The following ARTN variants were observed in gnomAD, a reference collection of about 807,000 sequenced individuals.
ARTN encodes artemin.
Under a neutral mutation model 15.4 loss-of-function variants are expected in ARTN, and 9 were observed. The ratio of observed to expected loss-of-function variants is 0.58; its 90% confidence interval spans 0.35 to 1.02. The LOEUF (loss-of-function observed/expected upper bound fraction) is 1.02, where lower values mean the gene tolerates loss of function less well. ARTN is among the 50% of genes least tolerant of loss of function. The pLI, the probability that ARTN is intolerant of heterozygous loss-of-function variation, is 0.02. For synonymous variants in ARTN, 163 were observed against 155.8 expected (o/e 1.05, Z -0.35); for missense variants, 284 against 327.9 (o/e 0.87, Z 1.03).
intron 2 of ARTN, 39 bp from the exon 3 acceptor site, chr1:43,935,551 G>T: frequency 8.3e-7 from 1 of 1,202,000 alleles, no homozygotes; most frequent in South Asian, 1.3e-5. Flanking sequence ...GTGGCAGGCC[G>T]GTCCCCCACA....
Position 43,936,608 on chromosome 1 carries a change from TGGGCGCCGGGGCCCTGCGACCGCCCCC to T in ARTN, c.511_537del (p.Ala171_Gly179del). ...CACGACCTCAGCCTGGCCAGCCTACTGGGCGCCGGGGCCCTGCGACCGCCCCCGGGCTCCCGGCCCGTCAGCCAGCCC... is the reference window on the plus strand; with the variant it reads ...CACGACCTCAGCCTGGCCAGCCTACTGGGCTCCCGGCCCGTCAGCCAGCCC... On this transcript the variant is annotated inframe_deletion, in exon 5 of 5. Coordinates refer to ENST00000372359, the MANE Select transcript of ARTN (RefSeq NM_057091.3). This position sits in a 1 kb window ranked among gnomAD's most constrained non-coding sequence, Gnocchi z 6.6. 6.3e-7 allele frequency: 1 copy of T among 1,592,000 alleles called. No individual in the cohort carries two copies. The highest frequency in any genetic ancestry group is 8.5e-7 in the Non-Finnish European group (1 of 1,170,184).
rs762332403 is a variant in ARTN at position 43,935,654 on chromosome 1, G to GA, written c.-2dup. The GA allele has an allele frequency of 1.9e-6, 3 of 1,613,554 alleles. No individual in the cohort carries two copies. The South Asian group carries it at 3.3e-5, about 18-fold the overall frequency. On this transcript the variant is annotated 5_prime_UTR_variant, in exon 3 of 5. Coordinates refer to ENST00000372359, the MANE Select transcript of ARTN (RefSeq NM_057091.3). ...CTGATGGGCGCTCCTGGTGTTGATA[G>GA]AGATGGAACTTGGACTTGGAGGCCT...
rs2085094392 is a variant in ARTN at position 43,936,284 on chromosome 1, G to T, written c.200-18G>T. On this transcript the variant is annotated intron_variant, in intron 4 of 4. Coordinates refer to ENST00000372359, the MANE Select transcript of ARTN (RefSeq NM_057091.3). The surrounding 1 kb of genome is among the most constrained non-coding windows in gnomAD (Gnocchi z 6.6). ...GGGGCTGGCCCGGGACACCGCGCGTGACTGGGTCTCATTCCAGGGGGACGC... is the reference window on the plus strand; with the variant it reads ...GGGGCTGGCCCGGGACACCGCGCGTTACTGGGTCTCATTCCAGGGGGACGC... The T allele has an allele frequency of 7.2e-7, 1 of 1,382,002 alleles. No individual in the cohort carries two copies. Among genetic ancestry groups the T allele is most frequent in the Non-Finnish European group, 9.3e-7 (1 of 1,077,750 alleles). 85.6% of individuals were successfully genotyped at this position (1,382,002 alleles called of 1,614,324 possible). A position where few individuals can be genotyped will look rare whatever the true frequency, so the allele number is the denominator to read the frequency against.
Position 43,936,146 on chromosome 1 carries a change from G to A in ARTN, c.114G>A (p.Glu38=). Residue 38 remains glutamate, a synonymous_variant, in exon 4 of 5, where the codon GAG becomes GAA. Transcript: ENST00000372359. This position sits in a 1 kb window ranked among gnomAD's most constrained non-coding sequence, Gnocchi z 6.6. ...TGGCTCTGCTGAGCAGCGTCGCAGA[G>A]GCCTCCCTGGGCTCCGCGCCCCGCA... is the stretch of plus-strand genomic sequence containing the variant. ...AALALLSSVA[E]ASLGSAPRSP... The A allele has an allele frequency of 1.3e-6, 2 of 1,592,686 alleles. No individual in the cohort carries two copies. Among genetic ancestry groups the A allele is most frequent in the Non-Finnish European group, 1.7e-6 (2 of 1,175,434 alleles).
chr1:43,935,114 G>A (rs2085077549), intron 2 of ARTN, among the ~76,000 whole-genome samples: 1 of 152,214 alleles, frequency 6.6e-6, no homozygotes, highest in South Asian at 2.1e-4. Context: ...CACAGGCTGA[G>A]GCTTGGGGCT....
intron 3 of ARTN, 99 bp downstream of exon 3, chr1:43,935,815 G>A: frequency 8.1e-7 from 1 of 1,228,974 alleles, no homozygotes. Context: ...TTAGGTGTGG[G>A]AGGGAAAATG....
Position 43,936,277 on chromosome 1 carries a change from C to A in ARTN, c.200-25C>A. 1 of 1,384,258 alleles carries A rather than the reference C, an allele frequency of 7.2e-7. No individual in the cohort carries two copies. The highest frequency in any genetic ancestry group is 9.3e-7 in the Non-Finnish European group (1 of 1,078,988). The allele number at this position is 1,384,258 out of a possible 1,614,324, so 85.7% of individuals were successfully genotyped here. ...GCGGGGCGGGGCTGGCCCGGGACAC[C>A]GCGCGTGACTGGGTCTCATTCCAGG... On this transcript the variant is annotated intron_variant, in intron 4 of 4. Transcript: ENST00000372359. The surrounding 1 kb of genome is among the most constrained non-coding windows in gnomAD (Gnocchi z 6.6).
chr1:43,936,558 C>T lies in ARTN; in HGVS notation c.456C>T (p.Gly152=). ...TGGTGCGTTTCCGCTTCTGCAGCGG[C>T]TCCTGCCGCCGCGCGCGCTCTCCAC... ...DELVRFRFCS[G]SCRRARSPHD... Residue 152 remains glycine, a synonymous_variant, in exon 5 of 5, where the codon GGC becomes GGT. Transcript: ENST00000372359. The surrounding 1 kb of genome is among the most constrained non-coding windows in gnomAD (Gnocchi z 6.6). 6.5e-7 allele frequency: 1 copy of T among 1,546,000 alleles called. No homozygotes were observed.
chr1:43,935,934 T>G, intron 3 of ARTN, 159 bp from the exon 4 acceptor site: 1 of 1,084,758 alleles, frequency 9.2e-7, no homozygotes, highest in East Asian at 2.5e-5. Flanking sequence ...CCCATTATAC[T>G]GGAACCTAGG....
chr1:43,933,966 C>G (rs1023782166), intron 1 of ARTN, 81 bp downstream of exon 1: 3 of 152,438 alleles, frequency 2.0e-5, no homozygotes, highest in Non-Finnish European at 4.4e-5. Flanking sequence ...GGACCACCCC[C>G]CTCCTCTCCT....
rs756907005 is a variant in ARTN at position 43,936,761 on chromosome 1, G to C, written c.659G>C (p.Gly220Ala). The C allele has an allele frequency of 6.0e-6, 9 of 1,497,936 alleles. No individual in the cohort carries two copies. In the Admixed American group the frequency reaches 1.9e-4, roughly 31 times the overall value. The allele number at this position is 1,497,936 out of a possible 1,614,324, so 92.8% of individuals were successfully genotyped here. A position where few individuals can be genotyped will look rare whatever the true frequency, so the allele number is the denominator to read the frequency against. Residue 220 changes from glycine to alanine, a missense_variant, in exon 5 of 5, where the codon GGC becomes GCC. By Grantham distance (60) the Gly-to-Ala change is moderately conservative (BLOSUM62 0). Coordinates refer to ENST00000372359, the MANE Select transcript of ARTN (RefSeq NM_057091.3). This position sits in a 1 kb window ranked among gnomAD's most constrained non-coding sequence, Gnocchi z 6.6. ...TCCGCCACCGCCTGCGGCTGCCTGG[G>C]CTGAGGGCTCGCTCCAGGGCTTTGC... ...RLSATACGCL[G>A] is the part of the protein sequence containing the mutation.
Position 43,937,145 on chromosome 1 carries a change from A to C in ARTN, c.*380A>C. On this transcript the variant is annotated 3_prime_UTR_variant, in exon 5 of 5. Coordinates refer to ENST00000372359, the MANE Select transcript of ARTN (RefSeq NM_057091.3). ...TAGGGACAGCATTTGAAGGACACAT[A>C]TTGCAGTTGCTTGGTTGAAAGTGCC... is the stretch of plus-strand genomic sequence containing the variant. 5.5e-6 allele frequency: 1 copy of C among 181,018 alleles called. No individual in the cohort carries two copies. The highest frequency in any genetic ancestry group is 1.1e-5 in the Non-Finnish European group (1 of 87,466). The allele number at this position is 181,018 out of a possible 1,614,324, so 11.2% of individuals were successfully genotyped here. A position where few individuals can be genotyped will look rare whatever the true frequency, so the allele number is the denominator to read the frequency against.
In ARTN at chr1:43,935,681, T is replaced by C. The variant is rs149948722; in HGVS notation, c.25T>C (p.Ser9Pro). Residue 9 changes from serine (S) to proline (P), a missense_variant, in exon 3 of 5, where the codon TCC becomes CCC. Transcript: ENST00000372359. MELGLGGLSTLSHCPWPRQ... is the reference protein window; with the variant it reads MELGLGGLPTLSHCPWPRQ... ...GATGGAACTTGGACTTGGAGGCCTCTCCACGCTGTCCCACTGCCCCTGGCC... is the reference window on the plus strand; with the variant it reads ...GATGGAACTTGGACTTGGAGGCCTCCCCACGCTGTCCCACTGCCCCTGGCC... 5.8e-4 allele frequency: 930 copies of C among 1,613,388 alleles called. 1 individual carries two copies. The highest frequency in any genetic ancestry group is 7.7e-4 in the Non-Finnish European group (908 of 1,179,722).
intron 3 of ARTN, 163 bp from the exon 4 acceptor site, chr1:43,935,930 A>G (rs1306826415): frequency 9.5e-7 from 1 of 1,055,390 alleles, no homozygotes; most frequent in Admixed American, 2.1e-5. Flanking sequence ...CAAACCCATT[A>G]TACTGGAACC....
At position 43,936,662 on chromosome 1, in the gene ARTN, G is replaced by C. The variant is rs373484831; in HGVS notation, c.560G>C (p.Cys187Ser). The C allele has an allele frequency of 6.3e-7, 1 of 1,596,456 alleles. No homozygotes were observed. Among genetic ancestry groups the C allele is most frequent in the African/African-American group, 1.3e-5 (1 of 74,102 alleles). ...GGCTCCCGGCCCGTCAGCCAGCCCTGCTGCCGACCCACGCGCTACGAAGCG... is the reference window on the plus strand; with the variant it reads ...GGCTCCCGGCCCGTCAGCCAGCCCTCCTGCCGACCCACGCGCTACGAAGCG... The part of the protein sequence containing the change: ...PPGSRPVSQP[C>S]CRPTRYEAVS... The change falls in exon 5 of 5, where the codon TGC (cysteine) becomes TCC (serine). Residue 187 changes from cysteine (C) to serine (S), a missense_variant. Transcript: ENST00000372359. This position sits in a 1 kb window ranked among gnomAD's most constrained non-coding sequence, Gnocchi z 6.6.
Position 43,935,700 on chromosome 1 carries a change from C to G in ARTN, c.44C>G (p.Pro15Arg). ...GGCCTCTCCACGCTGTCCCACTGCCCCTGGCCTAGGCAGCAGGTGAGTGGT... is the reference window on the plus strand; with the variant it reads ...GGCCTCTCCACGCTGTCCCACTGCCGCTGGCCTAGGCAGCAGGTGAGTGGT... Reference protein sequence around the residue: ...LGGLSTLSHCPWPRQQPALWP... With the variant: ...LGGLSTLSHCRWPRQQPALWP... Residue 15 changes from proline (P) to arginine (R), a missense_variant, in exon 3 of 5, where the codon CCC becomes CGC. By Grantham distance (103) the Pro-to-Arg change is moderately radical. Transcript: ENST00000372359. 1 of 1,613,136 alleles carries G rather than the reference C, an allele frequency of 6.2e-7. No individual in the cohort carries two copies. The highest frequency in any genetic ancestry group is 8.5e-7 in the Non-Finnish European group (1 of 1,179,584).
Position 43,936,520 on chromosome 1 carries a change from C to T in ARTN, c.418C>T (p.Arg140Cys). 1 of 1,474,468 alleles carries T rather than the reference C, an allele frequency of 6.8e-7. No homozygotes were observed. 91.3% of individuals were successfully genotyped at this position (1,474,468 alleles called of 1,614,324 possible). Residue 140 changes from arginine (R) to cysteine (C), a missense_variant, in exon 5 of 5, where the codon CGC becomes TGC. Coordinates refer to ENST00000372359, the MANE Select transcript of ARTN (RefSeq NM_057091.3). The surrounding 1 kb of genome is among the most constrained non-coding windows in gnomAD (Gnocchi z 6.6). ...GGTGCGCGCGCTCGGCCTGGGCCAC[C>T]GCTCCGACGAGCTGGTGCGTTTCCG... is the stretch of plus-strand genomic sequence containing the variant. ...VPVRALGLGH[R>C]SDELVRFRFC...
At position 43,935,617 on chromosome 1, in the gene ARTN, G is replaced by A; in HGVS notation, c.-40G>A. On this transcript the variant is annotated 5_prime_UTR_variant, in exon 3 of 5. Coordinates refer to ENST00000372359, the MANE Select transcript of ARTN (RefSeq NM_057091.3). ...GCCTCAACAGGAGGGTGGGGGAACA[G>A]CTCAACAATGGCTGATGGGCGCTCC... 6.2e-7 allele frequency: 1 copy of A among 1,606,078 alleles called. No individual in the cohort carries two copies. Among genetic ancestry groups the A allele is most frequent in the Non-Finnish European group, 8.5e-7 (1 of 1,175,534 alleles).
At position 43,936,306 on chromosome 1, in the gene ARTN, A is replaced by T. The variant is rs1333610747; in HGVS notation, c.204A>T (p.Gly68=). ...LASPAGHLPG[G]RTARWCSGRA... ...CGTGACTGGGTCTCATTCCAGGGGGACGCACGGCCCGCTGGTGCAGTGGAA... is the reference window on the plus strand; with the variant it reads ...CGTGACTGGGTCTCATTCCAGGGGGTCGCACGGCCCGCTGGTGCAGTGGAA... Residue 68 remains glycine, a synonymous_variant, in exon 5 of 5, where the codon GGA becomes GGT. Coordinates refer to ENST00000372359, the MANE Select transcript of ARTN (RefSeq NM_057091.3). This position sits in a 1 kb window ranked among gnomAD's most constrained non-coding sequence, Gnocchi z 6.6. 5.9e-6 allele frequency: 8 copies of T among 1,363,936 alleles called. No individual in the cohort carries two copies. Among genetic ancestry groups the T allele is most frequent in the Non-Finnish European group, 7.5e-6 (8 of 1,068,046 alleles). The allele number at this position is 1,363,936 out of a possible 1,614,324, so 84.5% of individuals were successfully genotyped here.
Sources: gnomAD v4.1 joint callset for allele counts (sites outside exome capture counted in the v4.1 genomes callset) on GRCh38, gnomAD v4.1.1 for gene constraint, Gnocchi (gnomAD v3.1) non-coding constraint, MANE v1.5 for transcripts, NCBI Gene and HGNC (gene_info 2026-07-23, HGNC 2026-07-21) for gene names.